Variants in OSBPL2 observed in about 807,000 individuals in gnomAD.
OSBPL2 encodes the protein oxysterol binding protein like 2, also known as oxysterol-binding protein-related protein 2.
Under a neutral mutation model 58.4 loss-of-function variants are expected in OSBPL2, and 18 were observed. The observed-to-expected ratio is 0.31, with a 90% confidence interval of 0.21 to 0.46. OSBPL2 has a LOEUF of 0.46. OSBPL2 is among the 20% of genes least tolerant of loss of function. OSBPL2 has a pLI of 1.00. For synonymous variants in OSBPL2, 221 were observed against 234.1 expected (o/e 0.94, Z 0.51); for missense variants, 461 against 616.5 (o/e 0.75, Z 2.67).
At chr20:62,287,935 G>A (rs2145976242) in intron 11 of OSBPL2, among the ~76,000 whole-genome samples, 1 of 152,352 alleles carries the variant, frequency 6.6e-6, no homozygotes, top group South Asian at 2.1e-4. Flanking sequence ...GAGGTCCCAG[G>A]AGGGAGGCGG....
intron 1 of OSBPL2, among the ~76,000 whole-genome samples, chr20:62,241,874 T>G (rs1979759869): frequency 6.6e-6 from 1 of 152,226 alleles, no homozygotes; most frequent in African/African-American, 2.4e-5. Flanking sequence ...TCATACTTCC[T>G]GTTTGGGTGT....
intron 6 of OSBPL2, among the ~76,000 whole-genome samples, chr20:62,276,586 A>G (rs1435296968): frequency 1.3e-5 from 2 of 152,230 alleles, no homozygotes; most frequent in African/African-American, 4.8e-5. Flanking sequence ...TGGGCAGCCG[A>G]GCACCTGTTC....
At position 62,247,983 on chromosome 20, in the gene OSBPL2, C is replaced by T. The variant is rs1389266535; in HGVS notation, c.-128-8074C>T. Among the ~76,000 whole-genome samples, 7 of 151,924 alleles carry T rather than the reference C, an allele frequency of 4.6e-5. No homozygotes were observed. In the South Asian group the frequency reaches 1.5e-3, roughly 32 times the overall value. On this transcript the variant is annotated intron_variant, in intron 1 of 13. Coordinates refer to ENST00000313733, the MANE Select transcript of OSBPL2 (RefSeq NM_144498.4). ...CGGCCCCTTAGGGTCCTTTCTAAGA[C>T]AGAACCCCATCGTTGTTAATAGTGG...
chr20:62,241,317 CAAG>C (rs888717765), intron 1 of OSBPL2, among the ~76,000 whole-genome samples: 36 of 152,304 alleles, frequency 2.4e-4, no homozygotes, highest in African/African-American at 7.7e-4. Context: ...CTCAGCCTCC[CAAG>C]TAGCTGGGAC....
rs769525066 is a variant in OSBPL2 at position 62,256,238 on chromosome 20, C to G, written c.37+17C>G. The G allele has an allele frequency of 1.2e-6, 2 of 1,612,214 alleles. No individual in the cohort carries two copies. The highest frequency in any genetic ancestry group is 8.5e-7 in the Non-Finnish European group (1 of 1,178,560). On this transcript the variant is annotated intron_variant, in intron 2 of 13. Transcript: ENST00000313733. ...CCGTCACAGGTGAGTCAAAAGAGAA[C>G]CAACTGGGGACGTACTGGAAGGGTG...
intron 9 of OSBPL2, 53 bp from the exon 10 acceptor site, chr20:62,283,993 C>T: frequency 6.4e-7 from 1 of 1,563,068 alleles, no homozygotes; most frequent in Non-Finnish European, 8.7e-7. Flanking sequence ...CATGTTTAGA[C>T]AAATGGTTTG....
chr20:62,287,066 G>A (rs1601200222), intron 11 of OSBPL2, among the ~76,000 whole-genome samples: 1 of 152,236 alleles, frequency 6.6e-6, no homozygotes, highest in Admixed American at 6.5e-5. Flanking sequence ...GGCCATTGCC[G>A]GCCAAGTGCG....
intron 4 of OSBPL2, 126 bp downstream of exon 4, chr20:62,263,817 G>A: frequency 1.2e-6 from 1 of 802,994 alleles, no homozygotes; most frequent in South Asian, 1.4e-5. Flanking sequence ...TATAATCTCA[G>A]CACTTTGGGA....
Position 62,289,342 on chromosome 20 carries a change from C to G in OSBPL2, c.1249+12C>G, listed in dbSNP as rs1601202931. The G allele has an allele frequency of 6.2e-7, 1 of 1,610,684 alleles. No homozygotes were observed. The highest frequency in any genetic ancestry group is 1.3e-5 in the African/African-American group (1 of 74,874). On this transcript the variant is annotated intron_variant, in intron 12 of 13. Transcript: ENST00000313733. ...GAATGGCAACATGGGTGCGTCCACG[C>G]AGTCAGAGGAGGAAGCTTGGGGCCA...
At chr20:62,290,679 C>G (rs1021491926) in intron 12 of OSBPL2, among the ~76,000 whole-genome samples, 6 of 151,326 alleles carry the variant, frequency 4.0e-5, no homozygotes, top group African/African-American at 1.2e-4. Context: ...CTCAGCCTCC[C>G]AGAGTGCTGG....
At chr20:62,252,295 A>G (rs1359333539) in intron 1 of OSBPL2, among the ~76,000 whole-genome samples, 2 of 152,144 alleles carry the variant, frequency 1.3e-5, no homozygotes, top group East Asian at 3.8e-4. Flanking sequence ...CCGTGAAAAC[A>G]TCACCATAAT....
intron 6 of OSBPL2, among the ~76,000 whole-genome samples, chr20:62,277,107 C>T (rs1982430250): frequency 6.6e-6 from 1 of 152,006 alleles, no homozygotes; most frequent in South Asian, 2.1e-4. Flanking sequence ...AAAAATTAGC[C>T]GGGCGTGGTG....
At chr20:62,293,637 C>T (rs554103565) in intron 13 of OSBPL2, 148 bp from the exon 14 acceptor site, 48 of 602,298 alleles carry the variant, frequency 8.0e-5, no homozygotes, top group African/African-American at 1.2e-4. Flanking sequence ...AATAATTCTC[C>T]GTTGAAGTTG....
At chr20:62,241,818 G>A (rs754357600) in intron 1 of OSBPL2, among the ~76,000 whole-genome samples, 26 of 152,240 alleles carry the variant, frequency 1.7e-4, no homozygotes, top group Non-Finnish European at 3.2e-4. Context: ...ACACCCTCAG[G>A]TGTCCCGGGA....
At chr20:62,284,877 A>G (rs1013163521) in intron 10 of OSBPL2, 6 of 152,234 alleles carry the variant, frequency 3.9e-5, no homozygotes, top group African/African-American at 1.2e-4. Flanking sequence ...TAGCCTAGAC[A>G]TATTGTTAAA....
At chr20:62,280,944 T>C (rs1049939485) in intron 7 of OSBPL2, 114 bp from the exon 8 acceptor site, 21 of 746,590 alleles carry the variant, frequency 2.8e-5, no homozygotes, top group Non-Finnish European at 5.1e-5. Context: ...AGCGTGCTGC[T>C]CTCCCGCGGG....
intron 4 of OSBPL2, among the ~76,000 whole-genome samples, chr20:62,265,538 A>G (rs952239618): frequency 1.3e-5 from 2 of 152,158 alleles, no homozygotes; most frequent in South Asian, 2.1e-4. Context: ...AGAAACCACA[A>G]TCCAGTGCTG....
intron 1 of OSBPL2, among the ~76,000 whole-genome samples, chr20:62,241,742 G>A (rs2145908403): frequency 6.6e-6 from 1 of 152,346 alleles, no homozygotes; most frequent in South Asian, 2.1e-4. Context: ...GATACGTTGT[G>A]GGTGCCTGGG....
intron 3 of OSBPL2, among the ~76,000 whole-genome samples, chr20:62,260,420 G>C (rs1322688918): frequency 6.6e-6 from 1 of 152,116 alleles, no homozygotes; most frequent in Admixed American, 6.5e-5. Flanking sequence ...GAGGATTTGG[G>C]GTGACACAGG....
Sources: gnomAD v4.1 joint callset for allele counts (sites outside exome capture counted in the v4.1 genomes callset) on GRCh38, gnomAD v4.1.1 for gene constraint, MANE v1.5 for transcripts, NCBI Gene and HGNC (gene_info 2026-07-23, HGNC 2026-07-21) for gene names.